Variants in ST6GALNAC3 observed in about 807,000 individuals in gnomAD.
ST6GALNAC3 encodes the protein alpha-N-acetylgalactosaminide alpha-2,6-sialyltransferase 3.
ST6GALNAC3 carries 25 observed loss-of-function variants against 32.7 expected under a neutral mutation model. The ratio of observed to expected loss-of-function variants is 0.76; its 90% CI spans 0.56 to 1.07. The LOEUF is 1.07. ST6GALNAC3 is among the 50% of genes least tolerant of loss of function. The pLI, the probability that ST6GALNAC3 is intolerant of heterozygous loss-of-function variation, is 0.00. For missense variants in ST6GALNAC3, 355 were observed against 382.4 expected (o/e 0.93, Z 0.60); for synonymous variants, 129 against 133.1 (o/e 0.97, Z 0.21).
chr1:76,580,140 A>G (rs750283474), intron 3 of ST6GALNAC3, among the ~76,000 whole-genome samples: 2 of 152,004 alleles, frequency 1.3e-5, no homozygotes, highest in Admixed American at 1.3e-4. Flanking sequence ...GTACTCAATA[A>G]TTTTTTACTA....
At chr1:76,312,402 A>G (rs1470198294) in intron 1 of ST6GALNAC3, among the ~76,000 whole-genome samples, 1 of 152,204 alleles carries the variant, frequency 6.6e-6, no homozygotes, top group Non-Finnish European at 1.5e-5. Context: ...AGCAATGGCA[A>G]CAAAAGCCAA....
chr1:76,104,939 G>T (rs1647420230), intron 1 of ST6GALNAC3, among the ~76,000 whole-genome samples: 1 of 152,022 alleles, frequency 6.6e-6, no homozygotes, highest in Admixed American at 6.6e-5. Context: ...ACACGGGAAA[G>T]ACCTACCTCC....
chr1:76,481,288 G>A (rs909849380), intron 3 of ST6GALNAC3, among the ~76,000 whole-genome samples: 6 of 152,138 alleles, frequency 3.9e-5, no homozygotes, highest in Admixed American at 2.0e-4. Context: ...AGGAGAAACT[G>A]GAGAATTTTC....
intron 1 of ST6GALNAC3, among the ~76,000 whole-genome samples, chr1:76,175,018 T>C (rs1349396324): frequency 6.6e-6 from 1 of 152,220 alleles, no homozygotes; most frequent in Non-Finnish European, 1.5e-5. Context: ...TTACATTATA[T>C]TGTATGGAAG....
At chr1:76,552,056 A>G (rs1324282877) in intron 3 of ST6GALNAC3, among the ~76,000 whole-genome samples, 2 of 152,128 alleles carry the variant, frequency 1.3e-5, no homozygotes, top group East Asian at 3.9e-4. Context: ...AGACTGTTGC[A>G]CCCTAGGGCA....
intron 1 of ST6GALNAC3, among the ~76,000 whole-genome samples, chr1:76,123,749 ATTTTTTT>A (rs767734132): frequency 9.5e-5 from 9 of 94,290 alleles, no homozygotes; most frequent in African/African-American, 1.7e-4. Context: ...ACTCATTTTA[ATTTTTTT>A]TTTTTTTTTT....
chr1:76,474,409 A>G (rs1659221037), intron 3 of ST6GALNAC3, among the ~76,000 whole-genome samples: 1 of 152,160 alleles, frequency 6.6e-6, no homozygotes, highest in African/African-American at 2.4e-5. Flanking sequence ...GATCTGGGAC[A>G]AAGGAGAAAG....
intron 3 of ST6GALNAC3, among the ~76,000 whole-genome samples, chr1:76,605,067 T>C (rs1647433975): frequency 6.6e-6 from 1 of 152,174 alleles, no homozygotes; most frequent in Non-Finnish European, 1.5e-5. Flanking sequence ...CATGTTCTGT[T>C]ATTTTTCCTG....
At chr1:76,173,060 G>A (rs1008706120) in intron 1 of ST6GALNAC3, among the ~76,000 whole-genome samples, 1 of 152,120 alleles carries the variant, frequency 6.6e-6, no homozygotes, top group Non-Finnish European at 1.5e-5. Context: ...AAAGCTGGAG[G>A]CATCATGCCA....
At chr1:76,241,413 GA>G (rs566452843) in intron 1 of ST6GALNAC3, among the ~76,000 whole-genome samples, 131 of 152,268 alleles carry the variant, frequency 8.6e-4, no homozygotes, top group Non-Finnish European at 1.7e-3. Context: ...AAGCAAGAGA[GA>G]AAAGTGGGAA....
rs574155234 is a variant in ST6GALNAC3 at position 76,478,785 on chromosome 1, T to C, written c.623+66368T>C. 4.5e-3 allele frequency among the ~76,000 whole-genome samples: 627 copies of C among 140,650 alleles called. 2 individuals are homozygous for C. Among genetic ancestry groups the C allele is most frequent in the Non-Finnish European group, 6.4e-3 (422 of 65,666 alleles). 92.3% of individuals were successfully genotyped at this position (140,650 alleles called of 152,430 possible). ...CTTTTTTTTTTTTTTTTTTTTGAGA[T>C]GAAGTCTCACTCTGTCTCCCAGGCT... On this transcript the variant is annotated intron_variant, in intron 3 of 4. Coordinates refer to ENST00000328299, the MANE Select transcript of ST6GALNAC3 (RefSeq NM_152996.4).
At chr1:76,577,116 A>G in intron 3 of ST6GALNAC3, 1 of 1,085,886 alleles carries the variant, frequency 9.2e-7, no homozygotes, top group Non-Finnish European at 1.1e-6. Context: ...AAATTGTGGT[A>G]TGTGGTATGT....
rs1649200226 is a variant in ST6GALNAC3, at chr1:76,629,867, G to A, written c.*1061G>A. On this transcript the variant is annotated 3_prime_UTR_variant, in exon 5 of 5. Transcript: ENST00000328299. Reference sequence around the variant, plus strand: ...CCAAACATTACATTCTCATTGCCAAGTGCCAGCTGTTACACATGGAGAGGA... The same window carrying A: ...CCAAACATTACATTCTCATTGCCAAATGCCAGCTGTTACACATGGAGAGGA... The A allele has an allele frequency of 6.1e-6, 6 of 984,784 alleles. No homozygotes were observed. Among genetic ancestry groups the A allele is most frequent in the Non-Finnish European group, 7.2e-6 (6 of 829,514 alleles). 61.0% of individuals were successfully genotyped at this position (984,784 alleles called of 1,614,324 possible).
rs145233161 is a variant in ST6GALNAC3, at chr1:76,628,491, T to C, written c.732-129T>C. 2.5e-4 allele frequency: 225 copies of C among 887,510 alleles called. No homozygotes were observed. The African/African-American group carries it at 3.5e-3, about 14-fold the overall frequency. The allele number at this position is 887,510 out of a possible 1,614,324, so 55.0% of individuals were successfully genotyped here. On this transcript the variant is annotated intron_variant, in intron 4 of 4. Transcript: ENST00000328299. ...ATACATATAATAGCTTTTAACTGAG[T>C]TCATGGACAAGAATCATGTATGGGT...
rs191206532 is a variant in ST6GALNAC3, at chr1:76,508,783, C to T, written c.623+96366C>T. Among the ~76,000 whole-genome samples the T allele has an allele frequency of 8.5e-4, 129 of 152,174 alleles. 1 individual carries two copies. Among genetic ancestry groups the T allele is most frequent in the African/African-American group, 2.5e-3 (102 of 41,500 alleles). ...TTATTCTCTACAGTTTTACAGCTAC[C>T]GGAACACACTGTCACTTTTACATTA... On this transcript the variant is annotated intron_variant, in intron 3 of 4. Transcript: ENST00000328299.
intron 2 of ST6GALNAC3, among the ~76,000 whole-genome samples, chr1:76,405,599 G>T (rs1307412603): frequency 7.9e-6 from 1 of 126,568 alleles, no homozygotes; most frequent in East Asian, 2.5e-4. Flanking sequence ...GTGTGTGTGT[G>T]TGTGTGTATT....
intron 3 of ST6GALNAC3, among the ~76,000 whole-genome samples, chr1:76,580,845 G>A (rs1172761000): frequency 6.6e-6 from 1 of 152,012 alleles, no homozygotes; most frequent in Non-Finnish European, 1.5e-5. Flanking sequence ...AGTCATTTGG[G>A]AGAGGGGCTT....
intron 1 of ST6GALNAC3, among the ~76,000 whole-genome samples, chr1:76,090,061 A>G (rs1571123482): frequency 6.6e-6 from 1 of 152,304 alleles, no homozygotes; most frequent in Non-Finnish European, 1.5e-5. Flanking sequence ...TATCTGAGCC[A>G]CGGTTTCTCC....
intron 1 of ST6GALNAC3, among the ~76,000 whole-genome samples, chr1:76,165,764 A>T (rs1043145078): frequency 1.3e-5 from 2 of 152,202 alleles, no homozygotes; most frequent in African/African-American, 4.8e-5. Flanking sequence ...TTCTCAAATA[A>T]TCAGTGATGC....
Sources: gnomAD v4.1 joint callset for allele counts (sites outside exome capture counted in the v4.1 genomes callset) on GRCh38, gnomAD v4.1.1 for gene constraint, MANE v1.5 for transcripts, NCBI Gene and HGNC (gene_info 2026-07-23, HGNC 2026-07-21) for gene names.